Variants in PRDM5 observed in about 807,000 individuals in gnomAD.
The protein encoded by PRDM5 is PR domain zinc finger protein 5.
A neutral mutation model predicts 81.2 loss-of-function variants in PRDM5; 56 were observed. The observed-to-expected ratio is 0.69, with a 90% CI of 0.56 to 0.86. The LOEUF is 0.86. Ranked by LOEUF, PRDM5 falls within the 40% of genes least tolerant of loss-of-function variation. PRDM5 has a pLI of 0.00. For synonymous variants in PRDM5, 267 were observed against 256.4 expected (o/e 1.04, Z -0.39); for missense variants, 697 against 770.1 (o/e 0.91, Z 1.12).
intron 14 of PRDM5, among the ~76,000 whole-genome samples, chr4:120,743,000 A>G (rs1465700456): frequency 3.3e-5 from 5 of 151,746 alleles, no homozygotes; most frequent in Non-Finnish European, 7.4e-5. Context: ...AGTTGAAATG[A>G]AGGCAAAAAT....
chr4:120,808,851 C>A (rs559811477), intron 8 of PRDM5, among the ~76,000 whole-genome samples: 1 of 152,326 alleles, frequency 6.6e-6, no homozygotes, highest in East Asian at 1.9e-4. Context: ...GGCTGGCCGG[C>A]TGCTTCAAGT....
At chr4:120,775,700 A>T (rs1748052889) in intron 13 of PRDM5, among the ~76,000 whole-genome samples, 1 of 152,164 alleles carries the variant, frequency 6.6e-6, no homozygotes, top group African/African-American at 2.4e-5. Context: ...GTACATGCAC[A>T]CTAATACAGC....
chr4:120,753,670 G>T (rs1166692913), intron 14 of PRDM5, among the ~76,000 whole-genome samples: 1 of 151,452 alleles, frequency 6.6e-6, no homozygotes, highest in African/African-American at 2.4e-5. Context: ...AATTAGAATT[G>T]TTCTAAAGGG....
intron 14 of PRDM5, among the ~76,000 whole-genome samples, chr4:120,747,552 A>G (rs962626164): frequency 2.0e-5 from 3 of 152,200 alleles, no homozygotes; most frequent in African/African-American, 7.2e-5. Context: ...TCTGATACCT[A>G]GGAACTCTGA....
chr4:120,763,899 T>C (rs1252437003), intron 13 of PRDM5, among the ~76,000 whole-genome samples: 1 of 151,404 alleles, frequency 6.6e-6, no homozygotes, highest in Non-Finnish European at 1.5e-5. Context: ...CATAAAATTA[T>C]TGTCTCTCCC....
chr4:120,691,957 T>C lies in PRDM5; in HGVS notation c.*3154A>G, dbSNP rs1734077407. 1 of 151,886 alleles carries C rather than the reference T, an allele frequency of 6.6e-6. No homozygotes were observed. The highest frequency in any genetic ancestry group is 2.1e-4 in the South Asian group (1 of 4,834). The allele number at this position is 151,886 out of a possible 1,614,324, so 9.4% of individuals were successfully genotyped here. On this transcript the variant is annotated 3_prime_UTR_variant, in exon 16 of 16. Coordinates refer to ENST00000264808, the MANE Select transcript of PRDM5 (RefSeq NM_018699.4). The stretch of plus-strand genomic sequence containing the variant: ...TATTTATTATAGATTTATAATAAAA[T>C]AAAAAATGCTATTGGAATTCTATAT...
intron 14 of PRDM5, among the ~76,000 whole-genome samples, chr4:120,751,040 T>C (rs1002017924): frequency 6.6e-6 from 1 of 152,136 alleles, no homozygotes; most frequent in Non-Finnish European, 1.5e-5. Context: ...CCAAGTGTAA[T>C]AGTATCTGTT....
intron 3 of PRDM5, among the ~76,000 whole-genome samples, chr4:120,824,029 T>C (rs1314414773): frequency 6.6e-6 from 1 of 152,176 alleles, no homozygotes; most frequent in Admixed American, 6.5e-5. Context: ...CCTTCCACCA[T>C]GAGTAGAAGG....
chr4:120,694,596 C>A lies in PRDM5; in HGVS notation c.*515G>T, dbSNP rs1241685096. 2 of 155,676 alleles carry A rather than the reference C, an allele frequency of 1.3e-5. No homozygotes were observed. Among genetic ancestry groups the A allele is most frequent in the African/African-American group, 4.8e-5 (2 of 41,442 alleles). 9.6% of individuals were successfully genotyped at this position (155,676 alleles called of 1,614,324 possible). A position where few individuals can be genotyped will look rare whatever the true frequency, so the allele number is the denominator to read the frequency against. On this transcript the variant is annotated 3_prime_UTR_variant, in exon 16 of 16. Transcript: ENST00000264808. ...AGCAACTATTTATTTTCCTATCAAA[C>A]TTGAGACTTTGATAACTTATTCTTA...
intron 3 of PRDM5, among the ~76,000 whole-genome samples, chr4:120,827,450 G>A (rs1447083998): frequency 1.3e-5 from 2 of 152,018 alleles, no homozygotes; most frequent in Non-Finnish European, 2.9e-5. Flanking sequence ...CTAGAGGCAG[G>A]GGCACCAACA....
At chr4:120,918,219 C>G (rs1314333393) in intron 1 of PRDM5, among the ~76,000 whole-genome samples, 1 of 152,156 alleles carries the variant, frequency 6.6e-6, no homozygotes, top group Non-Finnish European at 1.5e-5. Flanking sequence ...CCAGGAAATA[C>G]AAAGCTGCCT....
intron 14 of PRDM5, among the ~76,000 whole-genome samples, chr4:120,727,018 A>C (rs1739517067): frequency 6.6e-6 from 1 of 152,224 alleles, no homozygotes; most frequent in South Asian, 2.1e-4. Context: ...CCCGCATGTT[A>C]AAGACTATAT....
intron 3 of PRDM5, among the ~76,000 whole-genome samples, chr4:120,832,745 C>T (rs1756876227): frequency 6.6e-6 from 1 of 152,104 alleles, no homozygotes; most frequent in Non-Finnish European, 1.5e-5. Flanking sequence ...GAATGTCATT[C>T]AGAAAGTAGA....
intron 13 of PRDM5, among the ~76,000 whole-genome samples, chr4:120,757,976 TG>T (rs534363894): frequency 2.3e-3 from 343 of 152,124 alleles, no homozygotes; most frequent in Middle Eastern, 0.01. Flanking sequence ...CCCTTGGATA[TG>T]GAAGCTCCCA....
intron 13 of PRDM5, among the ~76,000 whole-genome samples, chr4:120,767,728 T>C (rs1006320857): frequency 1.3e-5 from 2 of 152,182 alleles, no homozygotes; most frequent in African/African-American, 2.4e-5. Context: ...ATGTGTGATA[T>C]GGTCTGGCTG....
At chr4:120,774,843 C>T (rs1747828309) in intron 13 of PRDM5, among the ~76,000 whole-genome samples, 1 of 150,724 alleles carries the variant, frequency 6.6e-6, no homozygotes, top group Non-Finnish European at 1.5e-5. Flanking sequence ...GACACACAAA[C>T]ACATACACCA....
chr4:120,816,193 C>T, intron 7 of PRDM5: 1 of 510,014 alleles, frequency 2.0e-6, no homozygotes, highest in South Asian at 2.3e-5. Context: ...TGCATCTGAC[C>T]ACCCAAACAT....
intron 14 of PRDM5, among the ~76,000 whole-genome samples, chr4:120,728,863 AT>A (rs544991384): frequency 3.4e-4 from 52 of 152,370 alleles, no homozygotes; most frequent in Admixed American, 1.2e-3. Context: ...TGTCTGAAAA[AT>A]ATCCAAATGT....
intron 8 of PRDM5, among the ~76,000 whole-genome samples, chr4:120,806,163 G>T (rs2149308068): frequency 6.6e-6 from 1 of 152,278 alleles, no homozygotes; most frequent in Non-Finnish European, 1.5e-5. Flanking sequence ...ACCTCTTCAA[G>T]GAGAAGCACA....
Sources: allele counts gnomAD v4.1 joint callset (sites outside exome capture counted in the v4.1 genomes callset), GRCh38; gene constraint gnomAD v4.1.1; transcripts MANE v1.5; gene names NCBI Gene and HGNC (gene_info 2026-07-23, HGNC 2026-07-21).